The following GALNT13 variants were observed in gnomAD, a reference collection of about 807,000 sequenced individuals.
The protein encoded by GALNT13 is polypeptide N-acetylgalactosaminyltransferase 13, also known as UDP-GalNAc:polypeptide N-acetylgalactosaminyltransferase 13.
In GALNT13, 28 loss-of-function variants were observed where a neutral mutation model predicts 64.2. The ratio of observed to expected loss-of-function variants is 0.44; its 90% CI spans 0.32 to 0.60. GALNT13 has a LOEUF of 0.60. GALNT13 is among the 20% of genes least tolerant of loss of function. The pLI is 0.05. For synonymous variants in GALNT13, 214 were observed against 224.6 expected, an observed-to-expected ratio of 0.95 and a Z score of 0.42; for missense variants, 577 against 669.8, an observed-to-expected ratio of 0.86 and a Z score of 1.53.
At chr2:153,196,519 G>T in the GALNT13 span, among the ~76,000 whole-genome samples, 2 of 152,138 alleles carry the variant, frequency 1.3e-5, no homozygotes, top group Non-Finnish European at 2.9e-5. Context: ...CAAGCCTGTG[G>T]GGGCAAAGGG....
intron 9 of GALNT13, among the ~76,000 whole-genome samples, chr2:154,371,169 T>C (rs144799137): frequency 3.3e-5 from 5 of 151,232 alleles, no homozygotes; most frequent in African/African-American, 4.9e-5. Context: ...TAAGTGTAGA[T>C]TGAAGGCAGA....
At chr2:154,360,036 C>T (rs1254434795) in intron 9 of GALNT13, among the ~76,000 whole-genome samples, 1 of 152,066 alleles carries the variant, frequency 6.6e-6, no homozygotes, top group African/African-American at 2.4e-5. Context: ...GTAGTTAAGG[C>T]ATTGTAGCAA....
At chr2:153,665,852 T>A in the GALNT13 span, among the ~76,000 whole-genome samples, 1 of 151,890 alleles carries the variant, frequency 6.6e-6, no homozygotes, top group Non-Finnish European at 1.5e-5. Context: ...GCTTGGAGAG[T>A]TGGCAGGAAC....
intron 3 of GALNT13, among the ~76,000 whole-genome samples, chr2:153,950,190 A>C (rs1217998368): frequency 6.6e-6 from 1 of 151,958 alleles, no homozygotes; most frequent in Non-Finnish European, 1.5e-5. Context: ...GCAACTGACC[A>C]ATTATTAAGT....
chr2:154,019,432 A>G (rs1378568767), intron 3 of GALNT13, among the ~76,000 whole-genome samples: 1 of 152,102 alleles, frequency 6.6e-6, no homozygotes, highest in Non-Finnish European at 1.5e-5. Context: ...CAAGAGATCA[A>G]GACCATCCTG....
Position 154,452,735 on chromosome 2 carries a change from G to T in GALNT13, c.*2184G>T, listed in dbSNP as rs898940211. 6.6e-6 allele frequency: 1 copy of T among 152,114 alleles called. No individual in the cohort carries two copies. The highest frequency in any genetic ancestry group is 1.5e-5 in the Non-Finnish European group (1 of 68,010). 9.4% of individuals were successfully genotyped at this position (152,114 alleles called of 1,614,324 possible). On this transcript the variant is annotated 3_prime_UTR_variant, in exon 13 of 13. Coordinates refer to ENST00000392825, the MANE Select transcript of GALNT13 (RefSeq NM_052917.4). ...GATGGCTTGAACACGTGCCATTATA[G>T]TATCTAACAAAAAGTGGCATAAAAT...
the GALNT13 span, among the ~76,000 whole-genome samples, chr2:153,727,383 C>G: frequency 6.6e-6 from 1 of 152,184 alleles, no homozygotes; most frequent in Admixed American, 6.5e-5. Context: ...TTTATCCATT[C>G]TACTGTTGAT....
At chr2:153,381,526 G>C in the GALNT13 span, among the ~76,000 whole-genome samples, 1 of 151,860 alleles carries the variant, frequency 6.6e-6, no homozygotes, top group Non-Finnish European at 1.5e-5. Context: ...CAGATTTCAG[G>C]TACCTATATA....
chr2:153,571,857 T>G, the GALNT13 span, among the ~76,000 whole-genome samples: 1 of 152,042 alleles, frequency 6.6e-6, no homozygotes, highest in Admixed American at 6.6e-5. Flanking sequence ...GCTAGTATTT[T>G]GTTGAGGATT....
chr2:153,247,638 T>C, the GALNT13 span, among the ~76,000 whole-genome samples: 10 of 152,148 alleles, frequency 6.6e-5, no homozygotes, highest in African/African-American at 2.2e-4. Context: ...GACACCCTAA[T>C]ATCACGATTA....
chr2:154,196,313 T>C (rs1365940851), intron 4 of GALNT13, among the ~76,000 whole-genome samples: 1 of 152,208 alleles, frequency 6.6e-6, no homozygotes, highest in Admixed American at 6.5e-5. Context: ...TTCCTTTTTA[T>C]GCTTAAGGCT....
chr2:154,173,830 G>A (rs931756776), intron 4 of GALNT13, among the ~76,000 whole-genome samples: 12 of 152,088 alleles, frequency 7.9e-5, no homozygotes, highest in African/African-American at 2.9e-4. Flanking sequence ...AAACTATAAT[G>A]AGACATTATC....
the GALNT13 span, among the ~76,000 whole-genome samples, chr2:153,404,513 GA>G: frequency 7.1e-6 from 1 of 141,244 alleles, no homozygotes; most frequent in Non-Finnish European, 1.5e-5. Context: ...TTTTTCAAAA[GA>G]TTTTTTTTTT....
the GALNT13 span, among the ~76,000 whole-genome samples, chr2:153,710,668 A>ACGAT: frequency 3.3e-5 from 5 of 152,086 alleles, no homozygotes; most frequent in Admixed American, 6.6e-5. Flanking sequence ...TCTCTACTGA[A>ACGAT]CGATCATACA....
At chr2:153,069,644 T>C in the GALNT13 span, among the ~76,000 whole-genome samples, 3 of 152,162 alleles carry the variant, frequency 2.0e-5, no homozygotes, top group African/African-American at 7.2e-5. Flanking sequence ...GTCCCATGCT[T>C]GTTCTAGCAA....
chr2:154,301,721 C>T, intron 9 of GALNT13, 132 bp downstream of exon 9: 1 of 592,972 alleles, frequency 1.7e-6, no homozygotes, highest in South Asian at 3.3e-5. Context: ...CAGAAAACGG[C>T]ATATGAGAAA....
chr2:154,259,552 A>G (rs1390654547), intron 8 of GALNT13, among the ~76,000 whole-genome samples: 2 of 152,168 alleles, frequency 1.3e-5, no homozygotes, highest in Admixed American at 1.3e-4. Flanking sequence ...ACTGTGGTCA[A>G]ATGAATTTGG....
the GALNT13 span, among the ~76,000 whole-genome samples, chr2:153,256,113 G>A: frequency 3.4e-4 from 51 of 152,108 alleles, 1 homozygote; most frequent in East Asian, 7.9e-3. Context: ...CCAATCAGAC[G>A]TAGATTTGGT....
At chr2:154,210,709 A>T (rs1158261529) in intron 4 of GALNT13, among the ~76,000 whole-genome samples, 1 of 152,206 alleles carries the variant, frequency 6.6e-6, no homozygotes, top group Non-Finnish European at 1.5e-5. Context: ...ACCATTTTGA[A>T]GGGGTTTGGA....
Sources: gnomAD v4.1 joint callset for allele counts (sites outside exome capture counted in the v4.1 genomes callset) on GRCh38, gnomAD v4.1.1 for gene constraint, MANE v1.5 for transcripts, NCBI Gene and HGNC (gene_info 2026-07-23, HGNC 2026-07-21) for gene names.